Variants in GPC5 observed in about 807,000 individuals in gnomAD.
GPC5 encodes glypican 5.
Under a neutral mutation model 53.9 loss-of-function variants are expected in GPC5, and 47 were observed. That is an observed-to-expected ratio of 0.87 (90% CI 0.69 to 1.11). The LOEUF (loss-of-function observed/expected upper bound fraction) is 1.11, where lower values mean the gene tolerates loss of function less well. GPC5 is among the 50% of genes most tolerant of loss of function. The pLI, the probability that GPC5 is intolerant of heterozygous loss-of-function variation, is 0.00. For synonymous variants in GPC5, 286 were observed against 263.3 expected (o/e 1.09, Z -0.84); for missense variants, 748 against 713.1 (o/e 1.05, Z -0.56).
At chr13:92,371,848 A>C (rs1018057434) in intron 7 of GPC5, among the ~76,000 whole-genome samples, 1 of 152,212 alleles carries the variant, frequency 6.6e-6, no homozygotes, top group Admixed American at 6.5e-5. Context: ...AACCATATCA[A>C]TGGATGTCAG....
At chr13:91,836,701 G>C (rs1329086974) in intron 5 of GPC5, among the ~76,000 whole-genome samples, 3 of 151,642 alleles carry the variant, frequency 2.0e-5, no homozygotes, top group Non-Finnish European at 4.4e-5. Flanking sequence ...TACCTTTTCT[G>C]TTCATATTTG....
chr13:92,732,722 T>C (rs905989130), intron 7 of GPC5, among the ~76,000 whole-genome samples: 3 of 151,752 alleles, frequency 2.0e-5, no homozygotes, highest in Non-Finnish European at 2.9e-5. Context: ...GTTCCTAGTA[T>C]CTTCTTACCA....
At position 92,534,497 on chromosome 13, in the gene GPC5, C is replaced by A. The variant is rs1881663084; in HGVS notation, c.1562-331785C>A. ...AACTTCCTAGACAGCATTTTTCAAA[C>A]ATAACATTCTACATGTATTTCACAG... On this transcript the variant is annotated intron_variant, in intron 7 of 7. Transcript: ENST00000377067. Among the ~76,000 whole-genome samples the A allele has an allele frequency of 2.0e-5, 3 of 152,262 alleles. No individual in the cohort carries two copies. The South Asian group carries it at 6.2e-4, about 32-fold the overall frequency.
intron 7 of GPC5, among the ~76,000 whole-genome samples, chr13:92,613,441 T>TGTGATATATATTTATATATAAATATG (rs1555295351): frequency 0.028 from 1,574 of 56,402 alleles, 105 homozygotes; most frequent in African/African-American, 0.078. Flanking sequence ...TATATATAAA[T>TGTGATATATATTTATATATAAATATG]ATATATATTT....
At chr13:92,373,767 C>T (rs574005741) in intron 7 of GPC5, among the ~76,000 whole-genome samples, 127 of 152,214 alleles carry the variant, frequency 8.3e-4, no homozygotes, top group African/African-American at 2.8e-3. Context: ...ATAGATTAAT[C>T]GTAATCAGCT....
intron 5 of GPC5, among the ~76,000 whole-genome samples, chr13:91,792,426 C>G (rs1165371353): frequency 6.6e-6 from 1 of 152,142 alleles, no homozygotes; most frequent in African/African-American, 2.4e-5. Context: ...AAGTCCTAAA[C>G]CAGCAGAACC....
intron 2 of GPC5, among the ~76,000 whole-genome samples, chr13:91,469,638 G>A (rs1330057621): frequency 1.3e-5 from 2 of 151,944 alleles, no homozygotes; most frequent in African/African-American, 4.8e-5. Context: ...TAATTTCAAA[G>A]GTTATATATT....
intron 7 of GPC5, among the ~76,000 whole-genome samples, chr13:92,487,876 GC>G (rs1879616071): frequency 6.6e-6 from 1 of 150,674 alleles, no homozygotes; most frequent in Non-Finnish European, 1.5e-5. Context: ...TAAAACCTAT[GC>G]TATTACAGGC....
At chr13:91,912,700 A>T (rs2039621422) in intron 6 of GPC5, among the ~76,000 whole-genome samples, 1 of 151,332 alleles carries the variant, frequency 6.6e-6, no homozygotes. Context: ...GTTTTACTTC[A>T]CTCAGTCACC....
chr13:91,984,327 C>T (rs933106131), intron 6 of GPC5, among the ~76,000 whole-genome samples: 7 of 152,118 alleles, frequency 4.6e-5, no homozygotes, highest in African/African-American at 1.7e-4. Flanking sequence ...AATAAAAGAG[C>T]ACACCATGGA....
chr13:91,769,245 C>CAACA (rs1340950661), intron 5 of GPC5, among the ~76,000 whole-genome samples: 3 of 152,020 alleles, frequency 2.0e-5, no homozygotes, highest in Non-Finnish European at 4.4e-5. Flanking sequence ...TGAGGACCAC[C>CAACA]AACATTATGG....
chr13:92,159,939 G>A (rs896940490), intron 7 of GPC5, among the ~76,000 whole-genome samples: 1 of 150,668 alleles, frequency 6.6e-6, no homozygotes, highest in Admixed American at 6.6e-5. Flanking sequence ...GTCTTGCCCT[G>A]TCACCCAGGC....
Position 92,725,965 on chromosome 13 carries a change from T to G in GPC5, c.1562-140317T>G, listed in dbSNP as rs573536582. On this transcript the variant is annotated intron_variant, in intron 7 of 7. Transcript: ENST00000377067. The stretch of plus-strand genomic sequence containing the variant: ...GGTCACAAGTGTTTCCTGAAATGAC[T>G]GAACTGTATCAGGCTTCATCTTCCA... 4.0e-5 allele frequency among the ~76,000 whole-genome samples: 6 copies of G among 151,742 alleles called. No individual in the cohort carries two copies. In the East Asian group the frequency reaches 1.2e-3, roughly 29 times the overall value.
At chr13:92,313,075 TAAAG>T (rs766185770) in intron 7 of GPC5, among the ~76,000 whole-genome samples, 3 of 152,152 alleles carry the variant, frequency 2.0e-5, no homozygotes, top group Non-Finnish European at 4.4e-5. Flanking sequence ...CTTGTTCATA[TAAAG>T]AGTGAGTTTT....
intron 7 of GPC5, among the ~76,000 whole-genome samples, chr13:92,283,789 A>G (rs191891061): frequency 1.1e-3 from 162 of 152,374 alleles, no homozygotes; most frequent in African/African-American, 3.5e-3. Flanking sequence ...AAGAGAAAGC[A>G]GGAGAGATCT....
At chr13:92,630,905 A>G (rs1462964086) in intron 7 of GPC5, among the ~76,000 whole-genome samples, 1 of 152,054 alleles carries the variant, frequency 6.6e-6, no homozygotes, top group African/African-American at 2.4e-5. Flanking sequence ...TATGACACAA[A>G]TCTAGTTGGC....
chr13:91,882,197 A>G (rs1309849793), intron 5 of GPC5, among the ~76,000 whole-genome samples: 1 of 152,124 alleles, frequency 6.6e-6, no homozygotes, highest in Non-Finnish European at 1.5e-5. Context: ...TGAATTTTGA[A>G]TAGGTAATGT....
chr13:92,782,239 T>C (rs1349634529), intron 7 of GPC5, among the ~76,000 whole-genome samples: 1 of 152,184 alleles, frequency 6.6e-6, no homozygotes, highest in Non-Finnish European at 1.5e-5. Flanking sequence ...CTACTTTACA[T>C]TCTTCCATAA....
chr13:91,920,924 C>CTTTTTTTTTTTTT, intron 6 of GPC5, among the ~76,000 whole-genome samples: 1 of 59,586 alleles, frequency 1.7e-5, no homozygotes, highest in Non-Finnish European at 3.1e-5. Flanking sequence ...CTCTCTCTCT[C>CTTTTTTTTTTTTT]TCTTTTTTTT....
Sources: allele counts gnomAD v4.1 joint callset (sites outside exome capture counted in the v4.1 genomes callset), GRCh38; gene constraint gnomAD v4.1.1; transcripts MANE v1.5; gene names NCBI Gene and HGNC (gene_info 2026-07-23, HGNC 2026-07-21).